Variants in DTWD1 observed in about 807,000 individuals in gnomAD.
The protein encoded by DTWD1 is DTW motif tRNA-uridine aminocarboxypropyltransferase 1.
Under a neutral mutation model 30.2 loss-of-function variants are expected in DTWD1, and 27 were observed. The observed-to-expected ratio is 0.90, with a 90% CI of 0.66 to 1.23. DTWD1 has a LOEUF of 1.23. DTWD1 is among the 50% of genes most tolerant of loss of function. The pLI is 0.00. For synonymous variants in DTWD1, 99 were observed against 113.1 expected, an observed-to-expected ratio of 0.88 and a Z score of 0.79; for missense variants, 342 against 348.8, an observed-to-expected ratio of 0.98 and a Z score of 0.15.
At chr15:49,640,748 A>G (rs2079056213) in intron 4 of DTWD1, among the ~76,000 whole-genome samples, 1 of 151,850 alleles carries the variant, frequency 6.6e-6, no homozygotes, top group African/African-American at 2.4e-5. Context: ...ATCTATGCCC[A>G]TTTTTCTGTG....
At chr15:49,633,252 C>A (rs957408829) in intron 3 of DTWD1, among the ~76,000 whole-genome samples, 20 of 151,678 alleles carry the variant, frequency 1.3e-4, no homozygotes, top group African/African-American at 4.6e-4. Flanking sequence ...TTCAGAAGCC[C>A]TGGACTTTGC....
In DTWD1 at chr15:49,643,202, T is replaced by C. The variant is rs569406779; in HGVS notation, c.668-129T>C. The C allele has an allele frequency of 9.2e-6, 10 of 1,090,544 alleles. No individual in the cohort carries two copies. The South Asian group carries it at 1.7e-4, about 19-fold the overall frequency. The allele number at this position is 1,090,544 out of a possible 1,614,324, so 67.6% of individuals were successfully genotyped here. A position where few individuals can be genotyped will look rare whatever the true frequency, so the allele number is the denominator to read the frequency against. ...CAAACTGGGATTGAAGGAAGTTATC[T>C]GCAGTCTTTAAAAAAAAATTCTTAG... On this transcript the variant is annotated intron_variant, in intron 4 of 4. Transcript: ENST00000403028.
rs1416281335 is a variant in DTWD1, at chr15:49,651,647, A to C, written c.*8069A>C. 1 of 152,164 alleles carries C rather than the reference A, an allele frequency of 6.6e-6. No individual in the cohort carries two copies. The highest frequency in any genetic ancestry group is 1.5e-5 in the Non-Finnish European group (1 of 68,026). 9.4% of individuals were successfully genotyped at this position (152,164 alleles called of 1,614,324 possible). ...TTACATTGGGCCCCTTCCACACTGG[A>C]AGGACCAGCATTTCCTTGTCATAGA... On this transcript the variant is annotated 3_prime_UTR_variant, in exon 5 of 5. Transcript: ENST00000403028.
At position 49,645,645 on chromosome 15, in the gene DTWD1, C is replaced by T. The variant is rs1342507377; in HGVS notation, c.*2067C>T. 6.6e-6 allele frequency: 1 copy of T among 151,422 alleles called. No individual in the cohort carries two copies. Among genetic ancestry groups the T allele is most frequent in the Non-Finnish European group, 1.5e-5 (1 of 67,904 alleles). 9.4% of individuals were successfully genotyped at this position (151,422 alleles called of 1,614,324 possible). On this transcript the variant is annotated 3_prime_UTR_variant, in exon 5 of 5. Coordinates refer to ENST00000403028, the MANE Select transcript of DTWD1 (RefSeq NM_001144955.2). Reference sequence around the variant, plus strand: ...GCATTTAACTGGCTTTACAAACCAACTAAACATAACAGTTCAGAGGGAAAA... The same window carrying T: ...GCATTTAACTGGCTTTACAAACCAATTAAACATAACAGTTCAGAGGGAAAA...
rs970516642 is a variant in DTWD1, at chr15:49,649,898, A to C, written c.*6320A>C. ...AGGTAGTAAGTGCTAAGAAGAAAAT[A>C]AAGCAGAGTAAGGAACTGATAGTGA... is the stretch of plus-strand genomic sequence containing the variant. On this transcript the variant is annotated 3_prime_UTR_variant, in exon 5 of 5. Transcript: ENST00000403028. 2 of 152,182 alleles carry C rather than the reference A, an allele frequency of 1.3e-5. No homozygotes were observed. Among genetic ancestry groups the C allele is most frequent in the African/African-American group, 4.8e-5 (2 of 41,452 alleles). The allele number at this position is 152,182 out of a possible 1,614,324, so 9.4% of individuals were successfully genotyped here. A position where few individuals can be genotyped will look rare whatever the true frequency, so the allele number is the denominator to read the frequency against.
intron 4 of DTWD1, among the ~76,000 whole-genome samples, chr15:49,642,042 T>C (rs2079071589): frequency 2.0e-5 from 3 of 152,176 alleles, no homozygotes; most frequent in Non-Finnish European, 2.9e-5. Flanking sequence ...ATTCTCTTTG[T>C]TCTCTCTTCC....
intron 4 of DTWD1, among the ~76,000 whole-genome samples, chr15:49,642,075 A>C (rs565312472): frequency 3.6e-4 from 55 of 151,896 alleles, no homozygotes; most frequent in African/African-American, 1.3e-3. Flanking sequence ...TAGTCATTTG[A>C]TCCTCCATAT....
Position 49,650,644 on chromosome 15 carries a change from G to A in DTWD1, c.*7066G>A, listed in dbSNP as rs536263185. On this transcript the variant is annotated 3_prime_UTR_variant, in exon 5 of 5. Coordinates refer to ENST00000403028, the MANE Select transcript of DTWD1 (RefSeq NM_001144955.2). ...CAGCACTTCATCTGCAACAGCTATAGAAAAAGCTTCACCTGAGGTTACCCT... is the reference window on the plus strand; with the variant it reads ...CAGCACTTCATCTGCAACAGCTATAAAAAAAGCTTCACCTGAGGTTACCCT... 26 of 152,292 alleles carry A rather than the reference G, an allele frequency of 1.7e-4. No individual in the cohort carries two copies. Among genetic ancestry groups the A allele is most frequent in the African/African-American group, 6.3e-4 (26 of 41,570 alleles). 9.4% of individuals were successfully genotyped at this position (152,292 alleles called of 1,614,324 possible).
rs981249620 is a variant in DTWD1, at chr15:49,653,874, A to G, written c.*10296A>G. The G allele has an allele frequency of 2.6e-5, 4 of 152,070 alleles. No individual in the cohort carries two copies. Among genetic ancestry groups the G allele is most frequent in the African/African-American group, 9.7e-5 (4 of 41,414 alleles). The allele number at this position is 152,070 out of a possible 1,614,324, so 9.4% of individuals were successfully genotyped here. A position where few individuals can be genotyped will look rare whatever the true frequency, so the allele number is the denominator to read the frequency against. On this transcript the variant is annotated 3_prime_UTR_variant, in exon 5 of 5. Coordinates refer to ENST00000403028, the MANE Select transcript of DTWD1 (RefSeq NM_001144955.2). ...TCAACCTAGTACTTGTCATTTTTTTATAGAAAAGGAAAAATAGATGGAAGA... is the reference window on the plus strand; with the variant it reads ...TCAACCTAGTACTTGTCATTTTTTTGTAGAAAAGGAAAAATAGATGGAAGA...
chr15:49,630,596 A>C (rs2078906327), intron 2 of DTWD1, among the ~76,000 whole-genome samples: 1 of 152,252 alleles, frequency 6.6e-6, no homozygotes, highest in Admixed American at 6.5e-5. Context: ...AAAAAGCCAA[A>C]GTGAAATAAG....
chr15:49,642,309 A>G (rs1286167439), intron 4 of DTWD1, among the ~76,000 whole-genome samples: 1 of 152,188 alleles, frequency 6.6e-6, no homozygotes, highest in Non-Finnish European at 1.5e-5. Flanking sequence ...TACTGGCCTA[A>G]GGAGCTAAAA....
chr15:49,643,791 G>T lies in DTWD1; in HGVS notation c.*213G>T, dbSNP rs1598670991. The stretch of plus-strand genomic sequence containing the variant: ...GTTGATTGAAAAACTTACTTCAGAA[G>T]TTATTTGCTCAGTGAAACCTCAGTT... On this transcript the variant is annotated 3_prime_UTR_variant, in exon 5 of 5. Coordinates refer to ENST00000403028, the MANE Select transcript of DTWD1 (RefSeq NM_001144955.2). 2.3e-6 allele frequency: 1 copy of T among 429,118 alleles called. No homozygotes were observed. The highest frequency in any genetic ancestry group is 3.9e-6 in the Non-Finnish European group (1 of 256,474). The allele number at this position is 429,118 out of a possible 1,614,324, so 26.6% of individuals were successfully genotyped here. A position where few individuals can be genotyped will look rare whatever the true frequency, so the allele number is the denominator to read the frequency against.
chr15:49,642,063 G>A (rs1201606169), intron 4 of DTWD1, among the ~76,000 whole-genome samples: 4 of 151,920 alleles, frequency 2.6e-5, no homozygotes, highest in Non-Finnish European at 5.9e-5. Context: ...TCGAACTCCT[G>A]TTAGTCATTT....
Position 49,654,577 on chromosome 15 carries a change from G to A in DTWD1, c.*10999G>A, listed in dbSNP as rs1289746406. On this transcript the variant is annotated 3_prime_UTR_variant, in exon 5 of 5. Transcript: ENST00000403028. Reference sequence around the variant, plus strand: ...GACACCACATGGAAAGGCCACCTAGGGAAGAACTGAGATGCCCCAGTCAAT... The same window carrying A: ...GACACCACATGGAAAGGCCACCTAGAGAAGAACTGAGATGCCCCAGTCAAT... 2.6e-5 allele frequency: 4 copies of A among 152,070 alleles called. No individual in the cohort carries two copies. The highest frequency in any genetic ancestry group is 1.9e-4 in the East Asian group (1 of 5,132). The allele number at this position is 152,070 out of a possible 1,614,324, so 9.4% of individuals were successfully genotyped here. A position where few individuals can be genotyped will look rare whatever the true frequency, so the allele number is the denominator to read the frequency against.
Position 49,643,325 on chromosome 15 carries a change from T to TTTTATG in DTWD1, c.668-6_668-5insTTTATG. The stretch of plus-strand genomic sequence containing the variant: ...TTCTTTCTTTTTTTTTTTTTTTTTT[T>TTTTATG]GACAGGGTTGTTACAAGTTGAGTTG... On this transcript the variant is annotated splice_polypyrimidine_tract_variant and splice_region_variant and intron_variant, in intron 4 of 4. Coordinates refer to ENST00000403028, the MANE Select transcript of DTWD1 (RefSeq NM_001144955.2). 1 of 1,456,174 alleles carries TTTTATG rather than the reference T, an allele frequency of 6.9e-7. No individual in the cohort carries two copies. 90.2% of individuals were successfully genotyped at this position (1,456,174 alleles called of 1,614,324 possible).
At position 49,634,545 on chromosome 15, in the gene DTWD1, A is replaced by G. The variant is rs139276389; in HGVS notation, c.418A>G (p.Ile140Val). The stretch of plus-strand genomic sequence containing the variant: ...ATTTTCTTTGTTTTAGGTTGCACTC[A>G]TTTTTCCTGGACCTCAGTCTATCTC... ...YEEKDHEVALIFPGPQSISIK... is the reference protein window; with the variant it reads ...YEEKDHEVALVFPGPQSISIK... Residue 140 changes from isoleucine to valine, a missense_variant, in exon 4 of 5, where the codon ATT becomes GTT. Physicochemically the swap from Ile to Val is conservative, Grantham distance 29 (BLOSUM62 3). Coordinates refer to ENST00000403028, the MANE Select transcript of DTWD1 (RefSeq NM_001144955.2). 6.1e-4 allele frequency: 987 copies of G among 1,608,412 alleles called. 5 individuals are homozygous for G. The African/African-American group carries it at 0.012, about 20-fold the overall frequency.
rs900438893 is a variant in DTWD1 at position 49,654,082 on chromosome 15, C to A, written c.*10504C>A. On this transcript the variant is annotated 3_prime_UTR_variant, in exon 5 of 5. Transcript: ENST00000403028. The stretch of plus-strand genomic sequence containing the variant: ...CTTGTCTCCTTTTTTGAATGATAGT[C>A]TCTGTGTGGTGTTCCTATCCTAGAA... The A allele has an allele frequency of 6.6e-6, 1 of 151,940 alleles. No homozygotes were observed. Among genetic ancestry groups the A allele is most frequent in the Admixed American group, 6.6e-5 (1 of 15,248 alleles). 9.4% of individuals were successfully genotyped at this position (151,940 alleles called of 1,614,324 possible). A position where few individuals can be genotyped will look rare whatever the true frequency, so the allele number is the denominator to read the frequency against.
In DTWD1 at chr15:49,634,737, T is replaced by G; in HGVS notation, c.610T>G (p.Phe204Val). Residue 204 changes from phenylalanine (F) to valine (V), a missense_variant, in exon 4 of 5, where the codon TTT becomes GTT. By Grantham distance (50) the Phe-to-Val change is conservative (BLOSUM62 -1). Coordinates refer to ENST00000403028, the MANE Select transcript of DTWD1 (RefSeq NM_001144955.2). The part of the protein sequence containing the change: ...CKGTTLKKII[F>V]IDSTWNQTNK... Reference sequence around the variant, plus strand: ...AGGCACAACACTGAAAAAAATTATATTTATAGATAGCACCTGGAACCAAAC... The same window carrying G: ...AGGCACAACACTGAAAAAAATTATAGTTATAGATAGCACCTGGAACCAAAC... The G allele has an allele frequency of 6.2e-7, 1 of 1,607,892 alleles. No homozygotes were observed. The highest frequency in any genetic ancestry group is 8.5e-7 in the Non-Finnish European group (1 of 1,177,212).
chr15:49,639,515 T>C (rs1157915146), intron 4 of DTWD1, among the ~76,000 whole-genome samples: 1 of 152,164 alleles, frequency 6.6e-6, no homozygotes, highest in African/African-American at 2.4e-5. Flanking sequence ...TGAGCTATGC[T>C]CATGCCACTG....
Sources: allele counts gnomAD v4.1 joint callset (sites outside exome capture counted in the v4.1 genomes callset), GRCh38; gene constraint gnomAD v4.1.1; transcripts MANE v1.5; gene names NCBI Gene and HGNC (gene_info 2026-07-23, HGNC 2026-07-21).